Variants in COL28A1 observed in about 807,000 individuals in gnomAD.
COL28A1 encodes the protein collagen alpha-1(XXVIII) chain.
COL28A1 carries 161 observed loss-of-function variants against 150.2 expected under a neutral mutation model. The observed-to-expected ratio is 1.07, with a 90% CI of 0.94 to 1.22. The LOEUF (loss-of-function observed/expected upper bound fraction) is 1.22, where lower values mean the gene tolerates loss of function less well. Among genes scored for constraint, COL28A1 ranks in the 50% most tolerant of loss-of-function variants. COL28A1 has a pLI of 0.00. For missense variants in COL28A1, 1,617 were observed against 1,388.3 expected (o/e 1.16, Z -2.62); for synonymous variants, 552 against 469.7 (o/e 1.18, Z -2.26).
rs574246720 is a variant in COL28A1, at chr7:7,517,960, G to A, written c.814-123C>T. The A allele has an allele frequency of 3.8e-5, 41 of 1,090,758 alleles. 1 individual carries two copies. In the Admixed American group the frequency reaches 4.4e-4, roughly 12 times the overall value. The allele number at this position is 1,090,758 out of a possible 1,614,324, so 67.6% of individuals were successfully genotyped here. A position where few individuals can be genotyped will look rare whatever the true frequency, so the allele number is the denominator to read the frequency against. The stretch of plus-strand genomic sequence containing the variant: ...TTAGGAAACATCTTTAGTCTTTCCC[G>A]TTGACATTTTCACTATGCAATCTAG... On this transcript the variant is annotated intron_variant, in intron 6 of 34. Coordinates refer to ENST00000399429, the MANE Select transcript of COL28A1 (RefSeq NM_001037763.3).
intron 15 of COL28A1, among the ~76,000 whole-genome samples, chr7:7,472,007 A>G (rs951076749): frequency 1.8e-4 from 27 of 152,220 alleles, no homozygotes; most frequent in African/African-American, 6.5e-4. Flanking sequence ...AAATTGGCAT[A>G]CAAGGAGCAT....
chr7:7,491,790 G>A lies in COL28A1; in HGVS notation c.1027-1144C>T, dbSNP rs1583494017. 7.9e-5 allele frequency among the ~76,000 whole-genome samples: 12 copies of A among 152,288 alleles called. 1 individual carries two copies. The South Asian group carries it at 2.5e-3, about 32-fold the overall frequency. On this transcript the variant is annotated intron_variant, in intron 11 of 34. Coordinates refer to ENST00000399429, the MANE Select transcript of COL28A1 (RefSeq NM_001037763.3). ...TTAAGCCCTGTGGCATGATGATAGG[G>A]GAAGGGGAGTGGCTATTGACCCCAA... is the stretch of plus-strand genomic sequence containing the variant.
At chr7:7,499,268 A>G (rs111440283) in intron 11 of COL28A1, among the ~76,000 whole-genome samples, 4,006 of 152,228 alleles carry the variant, frequency 0.026, 170 homozygotes, top group African/African-American at 0.09. Context: ...TCTTCATTTA[A>G]CAGTTATTTA....
intron 11 of COL28A1, among the ~76,000 whole-genome samples, chr7:7,495,819 G>A (rs1780179210): frequency 6.6e-6 from 1 of 152,102 alleles, no homozygotes; most frequent in South Asian, 2.1e-4. Context: ...TCCCTCCATT[G>A]CTGCAGAGCA....
intron 11 of COL28A1, among the ~76,000 whole-genome samples, chr7:7,494,492 C>T (rs527415267): frequency 4.4e-4 from 67 of 152,250 alleles, no homozygotes; most frequent in African/African-American, 1.6e-3. Flanking sequence ...TTATATCTGC[C>T]TTGTAGCATT....
chr7:7,440,514 C>T (rs1437154197), intron 21 of COL28A1, among the ~76,000 whole-genome samples: 1 of 152,104 alleles, frequency 6.6e-6, no homozygotes, highest in Non-Finnish European at 1.5e-5. Context: ...CAATTTTATC[C>T]CAACTTCTGA....
chr7:7,458,233 A>G lies in COL28A1; in HGVS notation c.1303-2121T>C, dbSNP rs143574103. On this transcript the variant is annotated intron_variant, in intron 15 of 34. Coordinates refer to ENST00000399429, the MANE Select transcript of COL28A1 (RefSeq NM_001037763.3). ...GGAGTTCGAGACCAGCCTGACCAAC[A>G]TGGAGAAACCCCATTTCTACTAAAA... Among the ~76,000 whole-genome samples, 1,208 of 152,298 alleles carry G rather than the reference A, an allele frequency of 7.9e-3. 17 individuals are homozygous for G. The highest frequency in any genetic ancestry group is 0.067 in the East Asian group (348 of 5,176).
At chr7:7,507,897 T>C (rs189014069) in intron 9 of COL28A1, among the ~76,000 whole-genome samples, 94 of 152,336 alleles carry the variant, frequency 6.2e-4, no homozygotes, top group African/African-American at 2.0e-3. Flanking sequence ...AAAGTGTATG[T>C]CTGATTTTGT....
At chr7:7,372,929 A>T (rs1314462427) in intron 32 of COL28A1, 69 bp downstream of exon 32, 87 of 1,376,764 alleles carry the variant, frequency 6.3e-5, no homozygotes, top group Non-Finnish European at 8.3e-5. Context: ...TGGTCAGGAC[A>T]AACCAGTGAT....
chr7:7,412,549 A>C (rs1297428596), intron 27 of COL28A1, among the ~76,000 whole-genome samples: 1 of 152,140 alleles, frequency 6.6e-6, no homozygotes, highest in African/African-American at 2.4e-5. Flanking sequence ...GGTGGAAATA[A>C]TAATGTGAAT....
intron 27 of COL28A1, among the ~76,000 whole-genome samples, chr7:7,382,245 G>T (rs556060863): frequency 1.3e-5 from 2 of 152,026 alleles, no homozygotes; most frequent in East Asian, 3.9e-4. Flanking sequence ...AGGAGGCAGA[G>T]GTTGCAATAA....
At chr7:7,400,057 T>G (rs1167331948) in intron 27 of COL28A1, among the ~76,000 whole-genome samples, 1 of 152,248 alleles carries the variant, frequency 6.6e-6, no homozygotes, top group Non-Finnish European at 1.5e-5. Context: ...CAGATTACTC[T>G]TCTCTTTTCC....
intron 27 of COL28A1, among the ~76,000 whole-genome samples, chr7:7,417,012 A>G (rs967512729): frequency 1.3e-5 from 2 of 152,192 alleles, no homozygotes; most frequent in Non-Finnish European, 2.9e-5. Flanking sequence ...ATATATATAA[A>G]TGTATGTAAA....
At chr7:7,367,797 A>G (rs1781013171) in intron 33 of COL28A1, among the ~76,000 whole-genome samples, 1 of 143,242 alleles carries the variant, frequency 7.0e-6, no homozygotes, top group Non-Finnish European at 1.5e-5. Flanking sequence ...GGTGCAAACT[A>G]AACTCACTAT....
intron 21 of COL28A1, 150 bp from the exon 22 acceptor site, chr7:7,437,612 T>C: frequency 7.7e-7 from 1 of 1,298,244 alleles, no homozygotes. Context: ...AATTTGAGCA[T>C]CTTTTGTAAC....
chr7:7,360,410 G>A lies in COL28A1; in HGVS notation c.3185C>T (p.Thr1062Ile), dbSNP rs754922130. The change falls in exon 34 of 35, where the codon ACC becomes ATC. Residue 1062 changes from threonine to isoleucine, a missense_variant. By Grantham distance (89) the Thr-to-Ile change is moderately conservative. Coordinates refer to ENST00000399429, the MANE Select transcript of COL28A1 (RefSeq NM_001037763.3). ...ATTTPRPLLS[T>I]PVDGAEDPRC... The stretch of plus-strand genomic sequence containing the variant: ...CCTACCCTCTGCCCCATCCACAGGG[G>A]TGCTGAGCAGTGGCCTGGGGGTGGT... 7.5e-6 allele frequency: 12 copies of A among 1,599,978 alleles called. No individual in the cohort carries two copies. The Middle Eastern group carries it at 5.0e-4, about 67-fold the overall frequency.
intron 18 of COL28A1, among the ~76,000 whole-genome samples, chr7:7,452,001 C>T (rs772728377): frequency 7.2e-5 from 11 of 152,082 alleles, no homozygotes; most frequent in African/African-American, 1.7e-4. Context: ...ACTAAGTATT[C>T]GTTCATTTAT....
At chr7:7,452,099 G>A (rs963296364) in intron 18 of COL28A1, among the ~76,000 whole-genome samples, 23 of 152,322 alleles carry the variant, frequency 1.5e-4, no homozygotes, top group Middle Eastern at 3.4e-3. Flanking sequence ...CCCTAGTGGA[G>A]TATATATTTT....
chr7:7,366,552 A>G (rs1416765835), intron 33 of COL28A1, among the ~76,000 whole-genome samples: 3 of 152,250 alleles, frequency 2.0e-5, no homozygotes, highest in South Asian at 2.1e-4. Flanking sequence ...ATACTTGTAC[A>G]GCAACCTTTT....
Sources: gnomAD v4.1 joint callset for allele counts (sites outside exome capture counted in the v4.1 genomes callset) on GRCh38, gnomAD v4.1.1 for gene constraint, MANE v1.5 for transcripts, NCBI Gene and HGNC (gene_info 2026-07-23, HGNC 2026-07-21) for gene names.